Variants in C16orf87 observed in about 807,000 individuals in gnomAD.
C16orf87 encodes the protein UPF0547 protein C16orf87.
A neutral mutation model predicts 21.0 loss-of-function variants in C16orf87; 13 were observed. That is an observed-to-expected ratio of 0.62 (90% CI 0.40 to 0.98). C16orf87 has a LOEUF of 0.98. C16orf87 is among the 50% of genes least tolerant of loss of function. C16orf87 has a pLI of 0.00. For missense variants in C16orf87, 113 were observed against 180.4 expected, an observed-to-expected ratio of 0.63 and a Z score of 2.14; for synonymous variants, 49 against 60.2, an observed-to-expected ratio of 0.81 and a Z score of 0.86.
At chr16:46,807,755 A>G (rs551627400) in intron 3 of C16orf87, among the ~76,000 whole-genome samples, 1 of 152,268 alleles carries the variant, frequency 6.6e-6, no homozygotes, top group Admixed American at 6.5e-5. Context: ...AAAAAAAAGC[A>G]TATCTTACTC....
intron 3 of C16orf87, among the ~76,000 whole-genome samples, chr16:46,804,522 C>T (rs1380599567): frequency 2.0e-5 from 3 of 152,138 alleles, no homozygotes; most frequent in Non-Finnish European, 4.4e-5. Context: ...TGTAGGTTTC[C>T]GCTTAGAACT....
rs1491292387 is a variant in C16orf87, at chr16:46,800,175, CCT to C, written c.*2775_*2776del. The C allele has an allele frequency of 1.7e-5, 1 of 60,546 alleles. No individual in the cohort carries two copies. The highest frequency in any genetic ancestry group is 3.8e-5 in the African/African-American group (1 of 26,140). The allele number at this position is 60,546 out of a possible 1,614,324, so 3.8% of individuals were successfully genotyped here. On this transcript the variant is annotated 3_prime_UTR_variant, in exon 4 of 4. Coordinates refer to ENST00000285697, the MANE Select transcript of C16orf87 (RefSeq NM_001001436.4). Reference sequence around the variant, plus strand: ...GGAAGCAACTCAGAGGTCATACTGACCTTTTTTTTTTTTTTCTTAAGTATTTC... The same window carrying C: ...GGAAGCAACTCAGAGGTCATACTGACTTTTTTTTTTTTTCTTAAGTATTTC...
intron 3 of C16orf87, 46 bp downstream of exon 3, chr16:46,809,557 A>C: frequency 1.5e-6 from 2 of 1,345,814 alleles, no homozygotes; most frequent in Non-Finnish European, 2.1e-6. Flanking sequence ...TTAAGATCCC[A>C]GATCAATTTA....
At chr16:46,816,300 G>A (rs763101139) in intron 2 of C16orf87, among the ~76,000 whole-genome samples, 1 of 152,096 alleles carries the variant, frequency 6.6e-6, no homozygotes. Flanking sequence ...TTCTGGAATT[G>A]GATGGTAGTG....
intron 3 of C16orf87, among the ~76,000 whole-genome samples, chr16:46,807,381 C>T (rs1967960888): frequency 6.6e-6 from 1 of 151,550 alleles, no homozygotes; most frequent in Admixed American, 6.6e-5. Flanking sequence ...CACTCCACTG[C>T]ACTCCAGCCT....
At chr16:46,817,433 T>C (rs1433627292) in intron 2 of C16orf87, among the ~76,000 whole-genome samples, 1 of 152,094 alleles carries the variant, frequency 6.6e-6, no homozygotes, top group African/African-American at 2.4e-5. Context: ...ACCCCTGTAA[T>C]TCCAGCACTT....
intron 2 of C16orf87, among the ~76,000 whole-genome samples, chr16:46,817,510 A>G (rs1288102622): frequency 6.6e-6 from 1 of 152,042 alleles, no homozygotes; most frequent in East Asian, 1.9e-4. Flanking sequence ...CAACATAGAG[A>G]AACCCTGTCT....
At position 46,814,835 on chromosome 16, in the gene C16orf87, T is replaced by C. The variant is rs1459742211; in HGVS notation, c.164-5050A>G. The stretch of plus-strand genomic sequence containing the variant: ...CCTTGAGAGATCTGAAAGGAGATTA[T>C]CATTAAGAATAAGATTATTTTTGCA... On this transcript the variant is annotated intron_variant, in intron 2 of 3. Coordinates refer to ENST00000285697, the MANE Select transcript of C16orf87 (RefSeq NM_001001436.4). 2.0e-5 allele frequency among the ~76,000 whole-genome samples: 3 copies of C among 152,152 alleles called. No individual in the cohort carries two copies. In the East Asian group the frequency reaches 5.8e-4, roughly 29 times the overall value.
chr16:46,811,231 C>A (rs772865512), intron 2 of C16orf87, among the ~76,000 whole-genome samples: 1 of 152,112 alleles, frequency 6.6e-6, no homozygotes, highest in Admixed American at 6.5e-5. Context: ...AGGCCAGGCG[C>A]GGTGGCTCAC....
chr16:46,822,802 A>G (rs1427792298), intron 2 of C16orf87, among the ~76,000 whole-genome samples: 1 of 152,124 alleles, frequency 6.6e-6, no homozygotes, highest in African/African-American at 2.4e-5. Flanking sequence ...TAAAACTCAA[A>G]TCAGAGGATG....
chr16:46,808,212 A>G (rs1967983990), intron 3 of C16orf87: 1 of 415,030 alleles, frequency 2.4e-6, no homozygotes, highest in Admixed American at 3.0e-5. Context: ...GAAAAGCAGT[A>G]AAATTACCCA....
At chr16:46,806,511 G>A (rs182007958) in intron 3 of C16orf87, among the ~76,000 whole-genome samples, 15 of 152,018 alleles carry the variant, frequency 9.9e-5, no homozygotes, top group African/African-American at 2.4e-4. Flanking sequence ...CACCAGCCTC[G>A]GCCTCCCACA....
chr16:46,821,868 A>T (rs1162155056), intron 2 of C16orf87, among the ~76,000 whole-genome samples: 1 of 152,176 alleles, frequency 6.6e-6, no homozygotes, highest in Non-Finnish European at 1.5e-5. Flanking sequence ...AAAAAAATCT[A>T]CACGGATGAT....
chr16:46,815,093 A>G (rs963396353), intron 2 of C16orf87, among the ~76,000 whole-genome samples: 5 of 152,194 alleles, frequency 3.3e-5, no homozygotes, highest in East Asian at 3.8e-4. Context: ...AGGATTTTCA[A>G]TAAGAGTCTG....
intron 2 of C16orf87, among the ~76,000 whole-genome samples, chr16:46,817,363 T>C (rs1208996339): frequency 6.6e-6 from 1 of 151,920 alleles, no homozygotes; most frequent in African/African-American, 2.4e-5. Flanking sequence ...TAAAAACATA[T>C]GGGTAAAAAA....
At chr16:46,810,875 T>A (rs35866982) in intron 2 of C16orf87, among the ~76,000 whole-genome samples, 5 of 151,880 alleles carry the variant, frequency 3.3e-5, no homozygotes, top group Non-Finnish European at 7.4e-5. Context: ...AATTTGAGCA[T>A]CAATAAAAAT....
chr16:46,808,966 C>T (rs1042941715), intron 3 of C16orf87, among the ~76,000 whole-genome samples: 3 of 134,794 alleles, frequency 2.2e-5, no homozygotes, highest in African/African-American at 8.5e-5. Context: ...TTAAAACTCA[C>T]AGTATAATAG....
At chr16:46,825,557 T>C (rs2143165050) in intron 1 of C16orf87, among the ~76,000 whole-genome samples, 1 of 152,288 alleles carries the variant, frequency 6.6e-6, no homozygotes, top group African/African-American at 2.4e-5. Context: ...CAAGCATTCT[T>C]CCTTTTTGTT....
chr16:46,816,259 T>C (rs1968235657), intron 2 of C16orf87, among the ~76,000 whole-genome samples: 1 of 152,210 alleles, frequency 6.6e-6, no homozygotes. Flanking sequence ...CATTGTTTAA[T>C]GGGTACACGG....
Sources: allele counts gnomAD v4.1 joint callset (sites outside exome capture counted in the v4.1 genomes callset), GRCh38; gene constraint gnomAD v4.1.1; transcripts MANE v1.5; gene names NCBI Gene and HGNC (gene_info 2026-07-23, HGNC 2026-07-21).